SLC36A1: variants seen among roughly 807,000 people sequenced by gnomAD.
SLC36A1 encodes the protein solute carrier family 36 member 1.
SLC36A1 carries 30 observed loss-of-function variants against 47.5 expected under a neutral mutation model. The ratio of observed to expected loss-of-function variants is 0.63; its 90% CI spans 0.47 to 0.86. SLC36A1 has a LOEUF of 0.86. Among genes scored for constraint, SLC36A1 ranks in the 40% least tolerant of loss-of-function variants. SLC36A1 has a pLI of 0.00. For missense variants in SLC36A1, 517 were observed against 606.0 expected (o/e 0.85, Z 1.54); for synonymous variants, 255 against 249.7 (o/e 1.02, Z -0.20).
At chr5:151,353,129 A>G in the SLC36A1 span, among the ~76,000 whole-genome samples, 1 of 152,224 alleles carries the variant, frequency 6.6e-6, no homozygotes, top group African/African-American at 2.4e-5. Flanking sequence ...CATGGATGAA[A>G]ACATATGTGT....
chr5:151,446,401 G>A (rs1174076174), upstream of SLC36A1, among the ~76,000 whole-genome samples: 3 of 152,080 alleles, frequency 2.0e-5, no homozygotes, highest in Non-Finnish European at 2.9e-5. Context: ...GTGGTGGCAC[G>A]TGCCTGTAAT....
the SLC36A1 span, chr5:151,546,028 T>C: frequency 6.2e-7 from 1 of 1,614,174 alleles, no homozygotes; most frequent in Non-Finnish European, 8.5e-7. Flanking sequence ...GAAGACTCCA[T>C]CCTTATTTCC....
the SLC36A1 span, chr5:151,546,297 G>GCCTA: frequency 6.2e-7 from 1 of 1,613,796 alleles, no homozygotes; most frequent in Non-Finnish European, 8.5e-7. Context: ...GAGTAATGAT[G>GCCTA]CCTAGCAGGG....
At chr5:151,453,898 T>C (rs1486202918) in intron 1 of SLC36A1, among the ~76,000 whole-genome samples, 1 of 151,862 alleles carries the variant, frequency 6.6e-6, no homozygotes, top group Non-Finnish European at 1.5e-5. Flanking sequence ...AAAATAAAAA[T>C]TCAGTTTGCA....
At chr5:151,546,439 G>T in the SLC36A1 span, 3 of 751,320 alleles carry the variant, frequency 4.0e-6, no homozygotes, top group African/African-American at 1.7e-5. Context: ...CCTGGACAGA[G>T]CAAAATCTGC....
downstream of SLC36A1, among the ~76,000 whole-genome samples, chr5:151,495,181 A>G (rs1760304395): frequency 6.6e-6 from 1 of 152,214 alleles, no homozygotes; most frequent in Non-Finnish European, 1.5e-5. Context: ...CCCTTCTAAT[A>G]GGTGTGAAGT....
At position 151,467,301 on chromosome 5, in the gene SLC36A1, A is replaced by G. The variant is rs1316737360; in HGVS notation, c.504+18A>G. 7 of 1,438,610 alleles carry G rather than the reference A, an allele frequency of 4.9e-6. No homozygotes were observed. Among genetic ancestry groups the G allele is most frequent in the Non-Finnish European group, 5.6e-6 (6 of 1,063,228 alleles). The allele number at this position is 1,438,610 out of a possible 1,614,324, so 89.1% of individuals were successfully genotyped here. A position where few individuals can be genotyped will look rare whatever the true frequency, so the allele number is the denominator to read the frequency against. On this transcript the variant is annotated intron_variant, in intron 6 of 10. Transcript: ENST00000243389. Reference sequence around the variant, plus strand: ...TTAAACAGGTAGGCACCTGGTTAAAAAAGAAAAAAAAAAAAAAAACCAGAG... The same window carrying G: ...TTAAACAGGTAGGCACCTGGTTAAAGAAGAAAAAAAAAAAAAAAACCAGAG...
the SLC36A1 span, among the ~76,000 whole-genome samples, chr5:151,391,752 C>T: frequency 3.9e-5 from 6 of 152,078 alleles, no homozygotes; most frequent in Admixed American, 6.6e-5. Context: ...GGGATGAAGC[C>T]CACTTGATCA....
At chr5:151,485,682 C>A (rs1013819971) in intron 10 of SLC36A1, among the ~76,000 whole-genome samples, 2 of 152,218 alleles carry the variant, frequency 1.3e-5, no homozygotes, top group Non-Finnish European at 2.9e-5. Context: ...TTCCATAGGA[C>A]TGTAGTAATA....
In SLC36A1 at chr5:151,476,754, C is replaced by T. The variant is rs1436771824; in HGVS notation, c.987C>T (p.Cys329=). ...GCATAACCCTCAACCTGCCCAACTG[C>T]TGGTACGTGGAGGGAGGATGGAAAC... ...QGSITLNLPN[C]WLYQSVKLLY... Residue 329 remains cysteine (C), a splice_region_variant and synonymous_variant, in exon 9 of 11, where the codon TGC becomes TGT. Transcript: ENST00000243389. 2 of 1,610,502 alleles carry T rather than the reference C, an allele frequency of 1.2e-6. No individual in the cohort carries two copies. Among genetic ancestry groups the T allele is most frequent in the South Asian group, 1.1e-5 (1 of 90,580 alleles).
At chr5:151,426,001 T>TCTATCTATCTATCTATCTAC in the SLC36A1 span, among the ~76,000 whole-genome samples, 1 of 151,764 alleles carries the variant, frequency 6.6e-6, no homozygotes, top group Non-Finnish European at 1.5e-5. Context: ...TATCTATCTA[T>TCTATCTATCTATCTATCTAC]CTATACCTAT....
chr5:151,535,360 G>A, the SLC36A1 span, among the ~76,000 whole-genome samples: 1 of 151,902 alleles, frequency 6.6e-6, no homozygotes, highest in Non-Finnish European at 1.5e-5. Context: ...TCTAATTGTG[G>A]GTTTTAAGAC....
the SLC36A1 span, chr5:151,382,290 GC>G: frequency 8.0e-7 from 1 of 1,246,034 alleles, no homozygotes; most frequent in Admixed American, 1.7e-5. Flanking sequence ...CTTTGAGAGT[GC>G]CCTCAACCTG....
chr5:151,354,858 C>G, the SLC36A1 span, among the ~76,000 whole-genome samples: 1 of 151,850 alleles, frequency 6.6e-6, no homozygotes, highest in Non-Finnish European at 1.5e-5. Context: ...ACTATATATA[C>G]GGGGGGTGGC....
chr5:151,420,524 C>T, the SLC36A1 span, among the ~76,000 whole-genome samples: 2 of 152,134 alleles, frequency 1.3e-5, no homozygotes, highest in Admixed American at 1.3e-4. Flanking sequence ...GCATGCCGCC[C>T]CTTGGAGTAA....
the SLC36A1 span, chr5:151,544,537 C>T: frequency 6.2e-7 from 1 of 1,614,044 alleles, no homozygotes; most frequent in Non-Finnish European, 8.5e-7. Flanking sequence ...TCCCTCTGGA[C>T]TCCGGGCCTG....
the SLC36A1 span, chr5:151,517,886 G>A: frequency 1.1e-5 from 13 of 1,229,586 alleles, no homozygotes; most frequent in Non-Finnish European, 1.5e-5. Context: ...TTTTATACAT[G>A]AAGAAACTAG....
At chr5:151,527,415 A>G in the SLC36A1 span, 7 of 1,547,688 alleles carry the variant, frequency 4.5e-6, no homozygotes, top group Non-Finnish European at 6.1e-6. Context: ...GCAATGAGGT[A>G]GCTGTCCCTC....
At chr5:151,463,245 T>G (rs191251851) in intron 2 of SLC36A1, among the ~76,000 whole-genome samples, 12 of 152,140 alleles carry the variant, frequency 7.9e-5, no homozygotes, top group African/African-American at 2.7e-4. Context: ...AAGGATAGAG[T>G]GTCTGAAGAG....
Sources: allele counts gnomAD v4.1 joint callset (sites outside exome capture counted in the v4.1 genomes callset), GRCh38; gene constraint gnomAD v4.1.1; transcripts MANE v1.5; gene names NCBI Gene and HGNC (gene_info 2026-07-23, HGNC 2026-07-21).